The following HEG1 variants were observed in gnomAD, a reference collection of about 807,000 sequenced individuals.
The protein encoded by HEG1 is heart development protein with EGF like domains 1.
HEG1 carries 56 observed loss-of-function variants against 125.6 expected under a neutral mutation model. The ratio of observed to expected loss-of-function variants is 0.45; its 90% confidence interval spans 0.36 to 0.56. The LOEUF is 0.56. Ranked by LOEUF, HEG1 falls within the 20% of genes least tolerant of loss-of-function variation. The pLI is 0.00. For missense variants in HEG1, 1,523 were observed against 1,670.0 expected, an observed-to-expected ratio of 0.91 and a Z score of 1.53; for synonymous variants, 644 against 668.5, an observed-to-expected ratio of 0.96 and a Z score of 0.57.
At chr3:125,014,707 C>A (rs1370285517) in intron 5 of HEG1, 4 of 1,255,922 alleles carry the variant, frequency 3.2e-6, no homozygotes, top group South Asian at 1.3e-5. Context: ...GTGGAAGACA[C>A]CCCACCTCCG....
intron 14 of HEG1, among the ~76,000 whole-genome samples, chr3:124,980,888 T>C (rs930401054): frequency 1.3e-5 from 2 of 151,022 alleles, no homozygotes; most frequent in African/African-American, 4.9e-5. Flanking sequence ...CAGGTCTCAC[T>C]ATGTTGCCCA....
At chr3:125,045,238 G>A (rs893010623) in intron 1 of HEG1, among the ~76,000 whole-genome samples, 7 of 152,188 alleles carry the variant, frequency 4.6e-5, no homozygotes, top group Non-Finnish European at 1.0e-4. Flanking sequence ...GCACCCACTC[G>A]GAGAAAACAG....
At chr3:124,974,025 CTGCCCACTGAGTAGTATTATTA>C in intron 15 of HEG1, 120 bp from the exon 16 acceptor site, 1 of 672,868 alleles carries the variant, frequency 1.5e-6, no homozygotes, top group Non-Finnish European at 2.5e-6. Flanking sequence ...TTATTTGTAG[CTGCCCACTGAGTAGTATTATTA>C]TTGTTGTTAT....
intron 16 of HEG1, chr3:124,971,008 T>C (rs999007227): frequency 7.5e-5 from 47 of 627,330 alleles, no homozygotes; most frequent in Admixed American, 2.0e-4. Context: ...CCAGCAACCA[T>C]GCAGAAGGCA....
intron 1 of HEG1, among the ~76,000 whole-genome samples, chr3:125,044,963 C>G (rs1232642197): frequency 6.6e-6 from 1 of 152,028 alleles, no homozygotes; most frequent in Admixed American, 6.6e-5. Context: ...AGGGAGGAAG[C>G]AAGGATGGGA....
rs1936485795 is a variant in HEG1 at position 124,973,740 on chromosome 3, C to CT, written c.3986_3987insA (p.Tyr1330ValfsTer13). 5 of 1,613,440 alleles carry CT rather than the reference C, an allele frequency of 3.1e-6. No homozygotes were observed. The stretch of plus-strand genomic sequence containing the variant: ...ACACAGGAATACACACCGAGTAGTA[C>CT]ACATCCGTCATCTGGAGGAGGTTTT... On this transcript the variant is annotated frameshift_variant, in exon 16 of 17. Coordinates refer to ENST00000311127, the MANE Select transcript of HEG1 (RefSeq NM_020733.2). LOFTEE classifies it high-confidence loss of function.
chr3:125,054,022 G>A (rs754937887), intron 1 of HEG1, among the ~76,000 whole-genome samples: 1 of 152,250 alleles, frequency 6.6e-6, no homozygotes, highest in Admixed American at 6.5e-5. Context: ...CTACTACCCA[G>A]AGAAATCTGC....
intron 8 of HEG1, among the ~76,000 whole-genome samples, chr3:125,006,870 C>A (rs1440284728): frequency 6.6e-6 from 1 of 152,214 alleles, no homozygotes; most frequent in Non-Finnish European, 1.5e-5. Context: ...TCTCATCTCA[C>A]GTGTCTAGGC....
intron 1 of HEG1, among the ~76,000 whole-genome samples, chr3:125,039,485 C>G (rs777284358): frequency 5.3e-5 from 8 of 152,170 alleles, no homozygotes; most frequent in Non-Finnish European, 1.0e-4. Context: ...CCTCAACCCC[C>G]GCAGCGGGCC....
At chr3:125,042,766 G>C (rs1937604675) in intron 1 of HEG1, among the ~76,000 whole-genome samples, 1 of 152,194 alleles carries the variant, frequency 6.6e-6, no homozygotes, top group Non-Finnish European at 1.5e-5. Context: ...GGGTCCTCCG[G>C]ATGAGGGGGA....
chr3:125,016,051 C>G (rs1937241797), intron 5 of HEG1, among the ~76,000 whole-genome samples: 1 of 152,142 alleles, frequency 6.6e-6, no homozygotes, highest in Non-Finnish European at 1.5e-5. Context: ...CTGTGGAGAG[C>G]CAACCAGGAG....
At chr3:124,971,556 ATCTCGG>A (rs1936424518) in intron 16 of HEG1, among the ~76,000 whole-genome samples, 1 of 151,516 alleles carries the variant, frequency 6.6e-6, no homozygotes, top group African/African-American at 2.4e-5. Context: ...CAGTGGCACA[ATCTCGG>A]CTCATTGCAA....
In HEG1 at chr3:124,993,324, C is replaced by T. The variant is rs185240155; in HGVS notation, c.3653-2338G>A. 2.6e-3 allele frequency among the ~76,000 whole-genome samples: 392 copies of T among 152,346 alleles called. 7 individuals are homozygous for T. Among genetic ancestry groups the T allele is most frequent in the African/African-American group, 3.6e-3 (151 of 41,578 alleles). ...TCTTATATTATCAAATCAGTTTTCACTAGGTGCTTTCACTTTATGCCACAG... is the reference window on the plus strand; with the variant it reads ...TCTTATATTATCAAATCAGTTTTCATTAGGTGCTTTCACTTTATGCCACAG... On this transcript the variant is annotated intron_variant, in intron 12 of 16. Transcript: ENST00000311127.
intron 1 of HEG1, among the ~76,000 whole-genome samples, chr3:125,041,153 G>A (rs1332274424): frequency 6.6e-6 from 1 of 152,174 alleles, no homozygotes; most frequent in Non-Finnish European, 1.5e-5. Flanking sequence ...AGAAGCTCTT[G>A]CTAAACTGAT....
At chr3:124,996,746 G>A (rs1270582229) in intron 12 of HEG1, among the ~76,000 whole-genome samples, 2 of 152,108 alleles carry the variant, frequency 1.3e-5, no homozygotes, top group Admixed American at 6.5e-5. Context: ...ATGTCGCCTC[G>A]CCCCAGTATG....
intron 1 of HEG1, among the ~76,000 whole-genome samples, chr3:125,042,843 G>A (rs1482388917): frequency 6.6e-6 from 1 of 152,220 alleles, no homozygotes; most frequent in African/African-American, 2.4e-5. Flanking sequence ...CTGTGGGAAG[G>A]TGGCTGCAGC....
chr3:125,035,119 C>A (rs555744835), intron 1 of HEG1, among the ~76,000 whole-genome samples: 2 of 152,176 alleles, frequency 1.3e-5, no homozygotes, highest in Admixed American at 1.3e-4. Flanking sequence ...TGTGCCATCA[C>A]ACCTGGTTAA....
intron 1 of HEG1, among the ~76,000 whole-genome samples, chr3:125,052,890 T>C (rs1937845244): frequency 6.6e-6 from 1 of 152,196 alleles, no homozygotes; most frequent in Non-Finnish European, 1.5e-5. Context: ...GAAGTTGAAC[T>C]CTGCCAGGAA....
chr3:125,046,663 A>G (rs1190687537), intron 1 of HEG1, among the ~76,000 whole-genome samples: 1 of 152,184 alleles, frequency 6.6e-6, no homozygotes. Flanking sequence ...ATGATGTTGG[A>G]TTATTTTGGA....
Sources: allele counts gnomAD v4.1 joint callset (sites outside exome capture counted in the v4.1 genomes callset), GRCh38; gene constraint gnomAD v4.1.1; transcripts MANE v1.5; gene names NCBI Gene and HGNC (gene_info 2026-07-23, HGNC 2026-07-21).